The following PPP1R12B variants were observed in gnomAD, a reference collection of about 807,000 sequenced individuals.
PPP1R12B encodes the protein myosin phosphatase target subunit 2.
PPP1R12B carries 76 observed loss-of-function variants against 126.1 expected under a neutral mutation model. That is an observed-to-expected ratio of 0.60 (90% CI 0.50 to 0.73). PPP1R12B has a LOEUF of 0.73. Ranked by LOEUF, PPP1R12B falls within the 30% of genes least tolerant of loss-of-function variation. The probability of loss-of-function intolerance (pLI) is 0.00; values close to 1 mark genes in which losing one functional copy is unlikely to be tolerated. For synonymous variants in PPP1R12B, 356 were observed against 434.7 expected, an observed-to-expected ratio of 0.82 and a Z score of 2.25; for missense variants, 1,052 against 1,205.1, an observed-to-expected ratio of 0.87 and a Z score of 1.88.
At chr1:202,463,895 T>G (rs1171765836) in intron 13 of PPP1R12B, among the ~76,000 whole-genome samples, 2 of 152,154 alleles carry the variant, frequency 1.3e-5, no homozygotes, top group African/African-American at 4.8e-5. Context: ...TCTTATCCCT[T>G]TCTCTCAACT....
chr1:202,471,917 C>A, intron 13 of PPP1R12B: 3 of 1,596,088 alleles, frequency 1.9e-6, no homozygotes, highest in Non-Finnish European at 2.5e-6. Flanking sequence ...CTTTTCCTCC[C>A]GTAGGCTGGC....
At position 202,583,321 on chromosome 1, in the gene PPP1R12B, C is replaced by A. The variant is rs562004691; in HGVS notation, c.*2761C>A. On this transcript the variant is annotated 3_prime_UTR_variant, in exon 24 of 24. Coordinates refer to ENST00000608999, the MANE Select transcript of PPP1R12B (RefSeq NM_002481.4). ...TTGTGCCTTTCAAAAGTACTGGGGG[C>A]AGATTCTCAAAACTCTTAGATTGGT... The A allele has an allele frequency of 3.9e-5, 6 of 152,278 alleles. No homozygotes were observed. Among genetic ancestry groups the A allele is most frequent in the Admixed American group, 3.3e-4 (5 of 15,292 alleles). The allele number at this position is 152,278 out of a possible 1,614,324, so 9.4% of individuals were successfully genotyped here. A position where few individuals can be genotyped will look rare whatever the true frequency, so the allele number is the denominator to read the frequency against.
chr1:202,384,870 A>G (rs1488405839), intron 1 of PPP1R12B, among the ~76,000 whole-genome samples: 3 of 152,236 alleles, frequency 2.0e-5, no homozygotes, highest in Non-Finnish European at 4.4e-5. Context: ...AGTGATGTTC[A>G]AAGTGACTGG....
At position 202,462,790 on chromosome 1, in the gene PPP1R12B, C is replaced by G. The variant is rs949655615; in HGVS notation, c.1850+13619C>G. On this transcript the variant is annotated intron_variant, in intron 13 of 23. Coordinates refer to ENST00000608999, the MANE Select transcript of PPP1R12B (RefSeq NM_002481.4). ...ATGGGCTCCAGTGTTTAGAGAAGGA[C>G]AGTCAGAGGAGTGGCCACCTGTTTG... The G allele has an allele frequency of 5.1e-6, 5 of 985,126 alleles. No individual in the cohort carries two copies. In the Admixed American group the frequency reaches 3.1e-4, roughly 61 times the overall value. 61.0% of individuals were successfully genotyped at this position (985,126 alleles called of 1,614,324 possible). A position where few individuals can be genotyped will look rare whatever the true frequency, so the allele number is the denominator to read the frequency against.
chr1:202,566,067 T>A lies in PPP1R12B; in HGVS notation c.2757+1520T>A, dbSNP rs193073682. On this transcript the variant is annotated intron_variant, in intron 21 of 23. Coordinates refer to ENST00000608999, the MANE Select transcript of PPP1R12B (RefSeq NM_002481.4). ...TACAGAAAATTAAAGAGCAGTCATG[T>A]GAGGAACCACAGGAAGAGCAGTTTC... Among the ~76,000 whole-genome samples, 595 of 152,360 alleles carry A rather than the reference T, an allele frequency of 3.9e-3. 1 individual carries two copies. Among genetic ancestry groups the A allele is most frequent in the African/African-American group, 0.014 (569 of 41,576 alleles).
chr1:202,363,951 G>C (rs184675246), intron 1 of PPP1R12B, among the ~76,000 whole-genome samples: 2 of 152,020 alleles, frequency 1.3e-5, no homozygotes, highest in Non-Finnish European at 2.9e-5. Flanking sequence ...AGTAGAGACG[G>C]GTTTCACCAT....
At chr1:202,540,336 G>A in intron 18 of PPP1R12B, 4 of 1,016,334 alleles carry the variant, frequency 3.9e-6, no homozygotes, top group South Asian at 3.2e-5. Context: ...TAGAGCAAAG[G>A]GATTTCAGAG....
chr1:202,473,744 T>TCTC (rs1348794187), intron 13 of PPP1R12B, among the ~76,000 whole-genome samples: 1 of 152,172 alleles, frequency 6.6e-6, no homozygotes, highest in South Asian at 2.1e-4. Flanking sequence ...TCCCCTTCCT[T>TCTC]CTCCTCCTCC....
chr1:202,571,099 A>C (rs534823125), intron 23 of PPP1R12B, among the ~76,000 whole-genome samples: 1 of 152,178 alleles, frequency 6.6e-6, no homozygotes, highest in Admixed American at 6.5e-5. Context: ...AAAAACCCAG[A>C]AAGTGGTCAA....
At chr1:202,559,116 A>C (rs184395316) in intron 19 of PPP1R12B, among the ~76,000 whole-genome samples, 202 of 152,282 alleles carry the variant, frequency 1.3e-3, no homozygotes, top group Admixed American at 2.1e-3. Context: ...TCCTCTTTCC[A>C]GTTCACCTTG....
At position 202,438,176 on chromosome 1, in the gene PPP1R12B, T is replaced by A. The variant is rs576395601; in HGVS notation, c.1458+152T>A. 191 of 1,558,836 alleles carry A rather than the reference T, an allele frequency of 1.2e-4. No individual in the cohort carries two copies. In the African/African-American group the frequency reaches 1.8e-3, roughly 15 times the overall value. On this transcript the variant is annotated intron_variant, in intron 10 of 23. Transcript: ENST00000608999. ...GAGAGAGAGGCACACTGATAGTTTA[T>A]TCAAGTAGCTATTTGCTTGCTATTG...
At chr1:202,509,350 A>T (rs1208616173) in intron 18 of PPP1R12B, among the ~76,000 whole-genome samples, 2 of 152,210 alleles carry the variant, frequency 1.3e-5, no homozygotes, top group Non-Finnish European at 2.9e-5. Flanking sequence ...TGAAGGAGAG[A>T]GGGGGAGTTG....
Position 202,565,409 on chromosome 1 carries a change from G to C in PPP1R12B, c.2757+862G>C, listed in dbSNP as rs1258562346. ...AAACCAGAGGTGGCTAGTCATTCTG[G>C]CAATATGACTGGCTATCCAAAAGCA... On this transcript the variant is annotated intron_variant, in intron 21 of 23. Transcript: ENST00000608999. The surrounding 1 kb of genome is among the most constrained non-coding windows in gnomAD (Gnocchi z 4.3). Among the ~76,000 whole-genome samples, 1 of 152,182 alleles carries C rather than the reference G, an allele frequency of 6.6e-6. No individual in the cohort carries two copies. Among genetic ancestry groups the C allele is most frequent in the Non-Finnish European group, 1.5e-5 (1 of 68,030 alleles).
At chr1:202,569,988 G>A (rs1008613776) in intron 23 of PPP1R12B, among the ~76,000 whole-genome samples, 1 of 152,204 alleles carries the variant, frequency 6.6e-6, no homozygotes, top group Non-Finnish European at 1.5e-5. Context: ...ATACAGAGCT[G>A]CAGGGAATAT....
Position 202,437,913 on chromosome 1 carries a change from C to G in PPP1R12B, c.1347C>G (p.Asn449Lys), listed in dbSNP as rs1372722709. ...GACTGAGAAAAACTGGCAGCCACAA[C>G]ATGCTGAGTGAGGTGGCCAATTCCA... Reference protein sequence around the residue: ...RLGLRKTGSHNMLSEVANSRE... With the variant: ...RLGLRKTGSHKMLSEVANSRE... Residue 449 changes from asparagine to lysine, a missense_variant, in exon 10 of 24, where the codon AAC becomes AAG. Asn to Lys is a moderately conservative substitution (Grantham distance 94). Coordinates refer to ENST00000608999, the MANE Select transcript of PPP1R12B (RefSeq NM_002481.4). 2 of 1,613,996 alleles carry G rather than the reference C, an allele frequency of 1.2e-6. No individual in the cohort carries two copies. Among genetic ancestry groups the G allele is most frequent in the Admixed American group, 3.3e-5 (2 of 60,016 alleles).
intron 13 of PPP1R12B, among the ~76,000 whole-genome samples, chr1:202,459,747 C>G (rs1266073812): frequency 6.6e-6 from 1 of 152,184 alleles, no homozygotes; most frequent in Non-Finnish European, 1.5e-5. Flanking sequence ...ACCATTTCTT[C>G]TATTGAATTT....
At chr1:202,490,647 C>T (rs1678732739) in intron 14 of PPP1R12B, among the ~76,000 whole-genome samples, 1 of 152,162 alleles carries the variant, frequency 6.6e-6, no homozygotes, top group African/African-American at 2.4e-5. Context: ...TCCCCATTTC[C>T]CTCTGGCAAC....
chr1:202,482,274 T>C (rs1677488460), intron 13 of PPP1R12B, among the ~76,000 whole-genome samples: 1 of 152,206 alleles, frequency 6.6e-6, no homozygotes, highest in African/African-American at 2.4e-5. Context: ...TGCTGAATCA[T>C]ATGGTAGTTC....
intron 13 of PPP1R12B, among the ~76,000 whole-genome samples, chr1:202,460,511 C>T (rs2148754679): frequency 6.6e-6 from 1 of 151,328 alleles, no homozygotes; most frequent in South Asian, 2.2e-4. Context: ...AAGCTAAAGA[C>T]TGGCAGTTGT....
Sources: gnomAD v4.1 joint callset for allele counts (sites outside exome capture counted in the v4.1 genomes callset) on GRCh38, gnomAD v4.1.1 for gene constraint, Gnocchi (gnomAD v3.1) non-coding constraint, MANE v1.5 for transcripts, NCBI Gene and HGNC (gene_info 2026-07-23, HGNC 2026-07-21) for gene names.